Variants in RREB1 observed in about 807,000 individuals in gnomAD.
The protein encoded by RREB1 is ras responsive element binding protein 1.
Under a neutral mutation model 117.8 loss-of-function variants are expected in RREB1, and 27 were observed. That is an observed-to-expected ratio of 0.23 (90% CI 0.17 to 0.32). The LOEUF is 0.32. Ranked by LOEUF, RREB1 falls within the 10% of genes least tolerant of loss-of-function variation. The probability of loss-of-function intolerance (pLI) is 1.00; values close to 1 mark genes in which losing one functional copy is unlikely to be tolerated. For missense variants in RREB1, 2,577 were observed against 2,378.2 expected (o/e 1.08, Z -1.74); for synonymous variants, 1,298 against 1,026.7 (o/e 1.26, Z -5.05).
intron 8 of RREB1, among the ~76,000 whole-genome samples, chr6:7,220,785 T>A (rs1767203009): frequency 6.6e-6 from 1 of 152,234 alleles, no homozygotes; most frequent in Admixed American, 6.5e-5. Context: ...GCAATCGTGC[T>A]CTTTATGAGC....
At chr6:7,177,663 A>G (rs1463728601) in intron 2 of RREB1, among the ~76,000 whole-genome samples, 1 of 152,000 alleles carries the variant, frequency 6.6e-6, no homozygotes, top group Non-Finnish European at 1.5e-5. Flanking sequence ...CCTCCCAAGT[A>G]TCTGGGACTA....
At chr6:7,120,933 C>T (rs1254228459) in intron 1 of RREB1, among the ~76,000 whole-genome samples, 1 of 151,448 alleles carries the variant, frequency 6.6e-6, no homozygotes, top group Non-Finnish European at 1.5e-5. Flanking sequence ...GATTCTCCCT[C>T]CTGCCTCAGC....
chr6:7,246,747 G>A lies in RREB1; in HGVS notation c.4297G>A (p.Asp1433Asn), dbSNP rs778181589. Reference protein sequence around the residue: ...KLMDFKLAEGDGEAGAGGAAS... With the variant: ...KLMDFKLAEGNGEAGAGGAAS... ...CATGGACTTCAAGCTGGCGGAGGGCGACGGCGAGGCAGGCGCCGGGGGCGC... is the reference window on the plus strand; with the variant it reads ...CATGGACTTCAAGCTGGCGGAGGGCAACGGCGAGGCAGGCGCCGGGGGCGC... Residue 1433 changes from aspartate to asparagine, a missense_variant, in exon 12 of 13, where the codon GAC (aspartate) becomes AAC (asparagine). By Grantham distance (23) the Asp-to-Asn change is conservative (BLOSUM62 1). Coordinates refer to ENST00000379938, the MANE Select transcript of RREB1 (RefSeq NM_001003699.4). 12 of 1,572,150 alleles carry A rather than the reference G, an allele frequency of 7.6e-6. No homozygotes were observed. In the African/African-American group the frequency reaches 8.1e-5, roughly 11 times the overall value.
At chr6:7,155,058 G>A (rs535836996) in intron 1 of RREB1, among the ~76,000 whole-genome samples, 1 of 152,266 alleles carries the variant, frequency 6.6e-6, no homozygotes, top group African/African-American at 2.4e-5. Flanking sequence ...GGGGCCTAGT[G>A]GGAAGTGGTT....
At chr6:7,222,369 G>A (rs1045730052) in intron 8 of RREB1, among the ~76,000 whole-genome samples, 5 of 151,974 alleles carry the variant, frequency 3.3e-5, no homozygotes, top group East Asian at 1.9e-4. Context: ...TTACATAGCC[G>A]GCAGCTGAAG....
intron 6 of RREB1, among the ~76,000 whole-genome samples, chr6:7,191,637 C>T (rs1765415611): frequency 6.6e-6 from 1 of 152,180 alleles, no homozygotes; most frequent in Non-Finnish European, 1.5e-5. Context: ...TTAAGTCGTC[C>T]TGAATTTCTT....
At chr6:7,206,776 C>T (rs1459499403) in intron 6 of RREB1, among the ~76,000 whole-genome samples, 1 of 152,106 alleles carries the variant, frequency 6.6e-6, no homozygotes, top group Non-Finnish European at 1.5e-5. Flanking sequence ...ACGGCAGGAG[C>T]CAGGCTTGGG....
intron 1 of RREB1, among the ~76,000 whole-genome samples, chr6:7,168,253 TG>T (rs1561757089): frequency 3.7e-5 from 3 of 81,426 alleles, no homozygotes; most frequent in African/African-American, 2.0e-4. Flanking sequence ...AGACTCCGTC[TG>T]AAAAAAAAAA....
intron 8 of RREB1, chr6:7,214,881 T>G (rs563981535): frequency 1.3e-5 from 2 of 152,238 alleles, no homozygotes; most frequent in African/African-American, 4.8e-5. Flanking sequence ...CAAACTCATA[T>G]AAATCTCAAC....
intron 6 of RREB1, among the ~76,000 whole-genome samples, chr6:7,196,218 G>GTTTTTTTTTTTGTTTTTTTTTTTT (rs1765661799): frequency 2.3e-4 from 28 of 121,438 alleles, no homozygotes; most frequent in Non-Finnish European, 4.1e-4. Flanking sequence ...TTTTTTTTTC[G>GTTTTTTTTTTTGTTTTTTTTTTTT]TTTTTTTTTT....
intron 10 of RREB1, among the ~76,000 whole-genome samples, chr6:7,232,727 A>C (rs1581579753): frequency 1.3e-5 from 2 of 151,474 alleles, no homozygotes; most frequent in East Asian, 3.9e-4. Flanking sequence ...AAATTGTCAA[A>C]GTGATACCCC....
intron 1 of RREB1, among the ~76,000 whole-genome samples, chr6:7,152,037 A>G (rs1178029425): frequency 6.6e-6 from 1 of 152,224 alleles, no homozygotes; most frequent in Non-Finnish European, 1.5e-5. Context: ...GTACATACAC[A>G]AGGACATTGA....
At chr6:7,155,772 T>C (rs1474172557) in intron 1 of RREB1, among the ~76,000 whole-genome samples, 2 of 152,252 alleles carry the variant, frequency 1.3e-5, no homozygotes, top group Non-Finnish European at 2.9e-5. Context: ...CATTAAGAAC[T>C]TGCATCCTTT....
chr6:7,166,804 C>A (rs990888888), intron 1 of RREB1, among the ~76,000 whole-genome samples: 1 of 152,178 alleles, frequency 6.6e-6, no homozygotes, highest in Non-Finnish European at 1.5e-5. Flanking sequence ...GCTTGCAGCT[C>A]GTCCCTGGGG....
chr6:7,141,403 T>C (rs994781577), intron 1 of RREB1, among the ~76,000 whole-genome samples: 14 of 152,166 alleles, frequency 9.2e-5, no homozygotes, highest in Non-Finnish European at 1.9e-4. Context: ...GCAACTCAGC[T>C]CCTTAAAAAT....
chr6:7,221,398 T>C (rs1435082470), intron 8 of RREB1, among the ~76,000 whole-genome samples: 1 of 152,080 alleles, frequency 6.6e-6, no homozygotes, highest in Admixed American at 6.5e-5. Context: ...GGTCTCGATC[T>C]CCTGACCTCA....
intron 6 of RREB1, among the ~76,000 whole-genome samples, chr6:7,195,961 T>G (rs1765644137): frequency 6.6e-6 from 1 of 152,216 alleles, no homozygotes; most frequent in African/African-American, 2.4e-5. Context: ...TTTCTGGAGT[T>G]TCATTTCTCT....
rs149302453 is a variant in RREB1 at position 7,133,031 on chromosome 6, C to T, written c.-285+24971C>T. On this transcript the variant is annotated intron_variant, in intron 1 of 12. Coordinates refer to ENST00000379938, the MANE Select transcript of RREB1 (RefSeq NM_001003699.4). ...ATTGGTGATAGGAGTTCACATCTAT[C>T]CTGAGCAAGTCGACAAGTGGGTTAT... Among the ~76,000 whole-genome samples the T allele has an allele frequency of 1.9e-3, 282 of 152,308 alleles. 1 individual carries two copies. Among genetic ancestry groups the T allele is most frequent in the Non-Finnish European group, 3.3e-3 (225 of 68,032 alleles).
At chr6:7,138,938 G>A (rs1332702056) in intron 1 of RREB1, among the ~76,000 whole-genome samples, 3 of 152,058 alleles carry the variant, frequency 2.0e-5, no homozygotes, top group South Asian at 2.1e-4. Context: ...TTAGTAGGTA[G>A]CCTTATTTGA....
Sources: gnomAD v4.1 joint callset for allele counts (sites outside exome capture counted in the v4.1 genomes callset) on GRCh38, gnomAD v4.1.1 for gene constraint, MANE v1.5 for transcripts, NCBI Gene and HGNC (gene_info 2026-07-23, HGNC 2026-07-21) for gene names.